SGSM1: variants seen among roughly 807,000 people sequenced by gnomAD.
SGSM1 encodes the protein small G protein signaling modulator 1.
A neutral mutation model predicts 133.8 loss-of-function variants in SGSM1; 73 were observed. The observed-to-expected ratio is 0.55, with a 90% CI of 0.45 to 0.66. The LOEUF is 0.66. Among genes scored for constraint, SGSM1 ranks in the 30% least tolerant of loss-of-function variants. The pLI is 0.00. For missense variants in SGSM1, 1,213 were observed against 1,448.1 expected (o/e 0.84, Z 2.64); for synonymous variants, 563 against 573.0 (o/e 0.98, Z 0.25).
At chr22:24,844,834 C>T in intron 2 of SGSM1, 63 bp from the exon 3 acceptor site, 1 of 1,546,196 alleles carries the variant, frequency 6.5e-7, no homozygotes, top group Non-Finnish European at 8.9e-7. Context: ...TTTTGGGGCA[C>T]CTATACCCAG....
rs189439331 is a variant in SGSM1, at chr22:24,846,647, T to G, written c.140-987T>G. On this transcript the variant is annotated intron_variant, in intron 3 of 24. Coordinates refer to ENST00000400358, the MANE Select transcript of SGSM1 (RefSeq NM_001098497.3). ...CTCAAGGTTTCTTTTGTCCATTGTT[T>G]CTTATAAGCTGTTGTCAGGAAGGAT... is the stretch of plus-strand genomic sequence containing the variant. Among the ~76,000 whole-genome samples, 16 of 152,298 alleles carry G rather than the reference T, an allele frequency of 1.1e-4. No homozygotes were observed. The East Asian group carries it at 3.1e-3, about 29-fold the overall frequency.
At chr22:24,907,634 G>A (rs1933440855) in intron 21 of SGSM1, among the ~76,000 whole-genome samples, 1 of 151,700 alleles carries the variant, frequency 6.6e-6, no homozygotes. Flanking sequence ...ATTTTTAAAA[G>A]GATATGTTGG....
At chr22:24,919,040 C>CTTTTTT (rs143985087) in intron 23 of SGSM1, among the ~76,000 whole-genome samples, 1 of 71,798 alleles carries the variant, frequency 1.4e-5, no homozygotes. Flanking sequence ...CACACCCGGC[C>CTTTTTT]TTTTTTTTTT....
In SGSM1 at chr22:24,925,885, C is replaced by T. The variant is rs1038642251; in HGVS notation, c.*1611C>T. ...GAGTATCACCAATCCACAAACAGAC[C>T]CGAAGTGAACTAGTTTACTCTGCCT... is the stretch of plus-strand genomic sequence containing the variant. On this transcript the variant is annotated 3_prime_UTR_variant, in exon 25 of 25. Transcript: ENST00000400358. The T allele has an allele frequency of 1.3e-5, 2 of 152,154 alleles. No homozygotes were observed. The highest frequency in any genetic ancestry group is 1.3e-4 in the Admixed American group (2 of 15,272). 9.4% of individuals were successfully genotyped at this position (152,154 alleles called of 1,614,324 possible).
chr22:24,897,621 C>A (rs1331415875), intron 18 of SGSM1, among the ~76,000 whole-genome samples: 3 of 151,494 alleles, frequency 2.0e-5, no homozygotes, highest in Admixed American at 6.6e-5. Context: ...GTGTGTGCCA[C>A]CATACCAGGC....
At chr22:24,811,436 G>A (rs531304685) in intron 2 of SGSM1, among the ~76,000 whole-genome samples, 1 of 149,924 alleles carries the variant, frequency 6.7e-6, no homozygotes, top group Non-Finnish European at 1.5e-5. Context: ...AGCCGGGGTG[G>A]GGGTGGGCAG....
intron 4 of SGSM1, among the ~76,000 whole-genome samples, chr22:24,848,894 G>C (rs1930298644): frequency 6.6e-6 from 1 of 152,198 alleles, no homozygotes; most frequent in African/African-American, 2.4e-5. Flanking sequence ...CGGTATGGTG[G>C]TCAGAGCTCA....
intron 2 of SGSM1, among the ~76,000 whole-genome samples, chr22:24,809,959 C>T (rs1482787484): frequency 6.6e-6 from 1 of 152,090 alleles, no homozygotes; most frequent in African/African-American, 2.4e-5. Flanking sequence ...GGTTGAGAGA[C>T]ACTAAGAAAA....
chr22:24,815,881 G>C (rs918219828), intron 2 of SGSM1, among the ~76,000 whole-genome samples: 1 of 152,132 alleles, frequency 6.6e-6, no homozygotes, highest in East Asian at 1.9e-4. Context: ...CAGTTCCTTG[G>C]GGGAGGCCTG....
chr22:24,846,041 C>CTTT (rs11320292), intron 3 of SGSM1, among the ~76,000 whole-genome samples: 2 of 91,302 alleles, frequency 2.2e-5, no homozygotes, highest in African/African-American at 4.7e-5. Context: ...CTCTTTCTTT[C>CTTT]TTTTTTTTTT....
intron 23 of SGSM1, 62 bp downstream of exon 23, chr22:24,917,816 A>G (rs1933872380): frequency 2.1e-6 from 3 of 1,425,982 alleles, no homozygotes; most frequent in Non-Finnish European, 2.9e-6. Flanking sequence ...TCAGGGGAAA[A>G]GATCCCGTGG....
chr22:24,865,787 G>A (rs1357969903), intron 9 of SGSM1, among the ~76,000 whole-genome samples: 1 of 152,136 alleles, frequency 6.6e-6, no homozygotes. Context: ...AAGGAAGGAA[G>A]GTTGGGCAGA....
intron 8 of SGSM1, among the ~76,000 whole-genome samples, chr22:24,859,054 T>C (rs1351899024): frequency 6.6e-6 from 1 of 152,108 alleles, no homozygotes; most frequent in Non-Finnish European, 1.5e-5. Context: ...GGGTTATAGG[T>C]GCGTGTGGTT....
chr22:24,879,256 C>T (rs938740699), intron 13 of SGSM1, among the ~76,000 whole-genome samples: 5 of 152,108 alleles, frequency 3.3e-5, no homozygotes, highest in Admixed American at 1.3e-4. Context: ...TTGTGGAGAG[C>T]GTGATTTCTC....
chr22:24,919,148 A>G (rs1192451074), intron 23 of SGSM1, among the ~76,000 whole-genome samples: 1 of 147,642 alleles, frequency 6.8e-6, no homozygotes, highest in East Asian at 2.0e-4. Context: ...TCCTGGGTTC[A>G]AGCAATTCTC....
At chr22:24,851,120 GA>G (rs1195100872) in intron 5 of SGSM1, among the ~76,000 whole-genome samples, 1 of 137,690 alleles carries the variant, frequency 7.3e-6, no homozygotes, top group Non-Finnish European at 1.6e-5. Flanking sequence ...AAAAAAAAAA[GA>G]AAAAAAGAAA....
At chr22:24,813,813 T>C (rs6004297) in intron 2 of SGSM1, 27,650 of 152,182 alleles carry the variant, frequency 0.18, 2,718 homozygotes, top group Middle Eastern at 0.27. Context: ...ACCATATGGC[T>C]GGGTCTCCCC....
At chr22:24,880,268 GGGATTACA>G (rs1428770755) in intron 14 of SGSM1, among the ~76,000 whole-genome samples, 1 of 151,998 alleles carries the variant, frequency 6.6e-6, no homozygotes, top group Non-Finnish European at 1.5e-5. Context: ...TTGAGTAGCT[GGGATTACA>G]GGCACCCGCC....
intron 16 of SGSM1, among the ~76,000 whole-genome samples, chr22:24,891,549 G>A (rs933476931): frequency 2.0e-5 from 3 of 152,200 alleles, no homozygotes; most frequent in Non-Finnish European, 2.9e-5. Context: ...CTCAGTACTA[G>A]TGTGAGGCCC....
Sources: gnomAD v4.1 joint callset for allele counts (sites outside exome capture counted in the v4.1 genomes callset) on GRCh38, gnomAD v4.1.1 for gene constraint, MANE v1.5 for transcripts, NCBI Gene and HGNC (gene_info 2026-07-23, HGNC 2026-07-21) for gene names.